TLN2: variants seen among roughly 807,000 people sequenced by gnomAD.
The protein encoded by TLN2 is talin 2.
Under a neutral mutation model 294.7 loss-of-function variants are expected in TLN2, and 118 were observed. That is an observed-to-expected ratio of 0.40 (90% CI 0.34 to 0.47). The LOEUF (loss-of-function observed/expected upper bound fraction) is 0.47. TLN2 is among the 20% of genes least tolerant of loss of function. The pLI is 0.84. For missense variants in TLN2, 3,083 were observed against 3,282.2 expected (o/e 0.94, Z 1.48); for synonymous variants, 1,431 against 1,304.5 (o/e 1.10, Z -2.09).
intron 1 of TLN2, among the ~76,000 whole-genome samples, chr15:62,516,806 G>GT (rs983537163): frequency 6.6e-6 from 1 of 152,168 alleles, no homozygotes; most frequent in African/African-American, 2.4e-5. Context: ...AGAGCAGAAA[G>GT]TTTTTTTGGG....
chr15:62,725,146 T>G, intron 27 of TLN2, 42 bp downstream of exon 27: 2 of 1,568,986 alleles, frequency 1.3e-6, no homozygotes, highest in Non-Finnish European at 8.7e-7. Context: ...GTACCTTTTG[T>G]TATGACGTTA....
At chr15:62,399,561 A>G (rs1260332086) in intron 1 of TLN2, among the ~76,000 whole-genome samples, 2 of 152,246 alleles carry the variant, frequency 1.3e-5, no homozygotes, top group Non-Finnish European at 2.9e-5. Context: ...GTACACTGCA[A>G]AGCCACAGGG....
rs377022587 is a variant in TLN2 at position 62,428,530 on chromosome 15, G to A, written c.-238+37845G>A. On this transcript the variant is annotated intron_variant, in intron 1 of 58. Transcript: ENST00000636159. ...GTGAAGCCACGTGCCTTGATCGCCC[G>A]GCCTATTAAAGCCAATTTCACTCCT... Among the ~76,000 whole-genome samples the A allele has an allele frequency of 1.4e-4, 21 of 152,300 alleles. 1 individual carries two copies. In the South Asian group the frequency reaches 3.9e-3, roughly 29 times the overall value.
chr15:62,805,140 C>T (rs1051079910), intron 50 of TLN2, among the ~76,000 whole-genome samples: 3 of 152,196 alleles, frequency 2.0e-5, no homozygotes, highest in African/African-American at 4.8e-5. Flanking sequence ...TTCCCCCAAC[C>T]TCACATCCTC....
At chr15:62,414,366 C>T (rs1266017115) in intron 1 of TLN2, among the ~76,000 whole-genome samples, 2 of 137,062 alleles carry the variant, frequency 1.5e-5, no homozygotes, top group Non-Finnish European at 3.1e-5. Flanking sequence ...AATCTTGCCA[C>T]TGAATCCAGT....
At chr15:62,591,499 T>C (rs976180014) in intron 2 of TLN2, among the ~76,000 whole-genome samples, 2 of 152,140 alleles carry the variant, frequency 1.3e-5, no homozygotes, top group Non-Finnish European at 1.5e-5. Flanking sequence ...ATTGGGAACC[T>C]TGAGTAAAAA....
rs781494562 is a variant in TLN2 at position 62,686,621 on chromosome 15, C to G, written c.958-20C>G. 6.2e-7 allele frequency: 1 copy of G among 1,603,668 alleles called. No homozygotes were observed. Among genetic ancestry groups the G allele is most frequent in the Non-Finnish European group, 8.5e-7 (1 of 1,174,682 alleles). On this transcript the variant is annotated intron_variant, in intron 11 of 58. Transcript: ENST00000636159. ...TGTATTCAGAAGAAGAGCACTGACTCTTGGTATCTCCTGTTTCAGGAGAAG... is the reference window on the plus strand; with the variant it reads ...TGTATTCAGAAGAAGAGCACTGACTGTTGGTATCTCCTGTTTCAGGAGAAG...
chr15:62,599,918 G>A (rs1342627520), intron 2 of TLN2, among the ~76,000 whole-genome samples: 2 of 152,182 alleles, frequency 1.3e-5, no homozygotes, highest in Non-Finnish European at 2.9e-5. Context: ...AAAATTGACC[G>A]TGGAGGATAC....
At chr15:62,787,612 T>C (rs1387742419) in intron 45 of TLN2, among the ~76,000 whole-genome samples, 1 of 152,058 alleles carries the variant, frequency 6.6e-6, no homozygotes, top group African/African-American at 2.4e-5. Flanking sequence ...TGGTAGTTCG[T>C]TGGATCACCC....
At chr15:62,774,953 CTTTTTTTT>C (rs36003657) in intron 42 of TLN2, among the ~76,000 whole-genome samples, 2 of 101,446 alleles carry the variant, frequency 2.0e-5, no homozygotes, top group African/African-American at 7.2e-5. Context: ...GAATTGCTGG[CTTTTTTTT>C]TTTTTTTTTT....
At chr15:62,723,778 G>A (rs1332107525) in intron 26 of TLN2, among the ~76,000 whole-genome samples, 2 of 151,332 alleles carry the variant, frequency 1.3e-5, no homozygotes, top group Admixed American at 6.6e-5. Context: ...TTGAACTCCT[G>A]AGCTCAAGTA....
chr15:62,460,792 A>G (rs1397635945), intron 1 of TLN2, among the ~76,000 whole-genome samples: 1 of 152,164 alleles, frequency 6.6e-6, no homozygotes, highest in East Asian at 1.9e-4. Context: ...GAGTTGATGA[A>G]TTTTCACAAA....
chr15:62,825,774 A>G lies in TLN2; in HGVS notation c.7002+5164A>G, dbSNP rs1567686471. On this transcript the variant is annotated intron_variant, in intron 54 of 58. Coordinates refer to ENST00000636159, the MANE Select transcript of TLN2 (RefSeq NM_015059.3). ...AAATATAATTATAATTATATATTATATAATATATTATATATTATAATATAT... is the reference window on the plus strand; with the variant it reads ...AAATATAATTATAATTATATATTATGTAATATATTATATATTATAATATAT... Among the ~76,000 whole-genome samples the G allele has an allele frequency of 4.6e-3, 124 of 27,132 alleles. 12 individuals are homozygous for G. The highest frequency in any genetic ancestry group is 0.013 in the African/African-American group (120 of 9,242). The allele number at this position is 27,132 out of a possible 152,430, so 17.8% of individuals were successfully genotyped here.
chr15:62,399,432 G>C (rs777696891), intron 1 of TLN2, among the ~76,000 whole-genome samples: 3 of 152,132 alleles, frequency 2.0e-5, no homozygotes, highest in Non-Finnish European at 4.4e-5. Flanking sequence ...ATGAAGCTCT[G>C]AGAAGAGGGC....
At chr15:62,697,989 C>A in intron 15 of TLN2, 121 bp downstream of exon 15, 2 of 1,252,240 alleles carry the variant, frequency 1.6e-6, no homozygotes, top group Non-Finnish European at 2.2e-6. Context: ...CTGAACCATG[C>A]CTCGTTCAGC....
intron 1 of TLN2, among the ~76,000 whole-genome samples, chr15:62,585,904 T>C (rs1042301676): frequency 4.6e-5 from 7 of 152,018 alleles, no homozygotes; most frequent in African/African-American, 1.5e-4. Flanking sequence ...TGGCACCCCC[T>C]GAGCTGGAGC....
chr15:62,533,139 A>T (rs957894993), intron 1 of TLN2, among the ~76,000 whole-genome samples: 8 of 150,938 alleles, frequency 5.3e-5, no homozygotes, highest in African/African-American at 2.0e-4. Flanking sequence ...CTGTAATTCC[A>T]GCTACTTGGG....
chr15:62,658,113 ATC>A (rs1207793000), intron 9 of TLN2: 1 of 395,874 alleles, frequency 2.5e-6, no homozygotes, highest in Non-Finnish European at 4.5e-6. Context: ...AAATTCAGTG[ATC>A]TGTGTCCCCC....
chr15:62,716,272 C>CATG, intron 22 of TLN2, 59 bp from the exon 23 acceptor site: 1 of 1,454,450 alleles, frequency 6.9e-7, no homozygotes, highest in Non-Finnish European at 9.1e-7. Flanking sequence ...ATACTGAAGG[C>CATG]ATGAATTCAG....
Sources: allele counts gnomAD v4.1 joint callset (sites outside exome capture counted in the v4.1 genomes callset), GRCh38; gene constraint gnomAD v4.1.1; transcripts MANE v1.5; gene names NCBI Gene and HGNC (gene_info 2026-07-23, HGNC 2026-07-21).